CCDC92: variants seen among roughly 807,000 people sequenced by gnomAD.
The protein encoded by CCDC92 is coiled-coil domain-containing protein 92.
Under a neutral mutation model 24.9 loss-of-function variants are expected in CCDC92, and 12 were observed. That is an observed-to-expected ratio of 0.48 (90% confidence interval 0.31 to 0.78). The LOEUF (loss-of-function observed/expected upper bound fraction) is 0.78. Among genes scored for constraint, CCDC92 ranks in the 30% least tolerant of loss-of-function variants. The probability of loss-of-function intolerance (pLI) is 0.05; values close to 1 mark genes in which losing one functional copy is unlikely to be tolerated. For synonymous variants in CCDC92, 193 were observed against 196.3 expected (o/e 0.98, Z 0.14); for missense variants, 399 against 439.4 (o/e 0.91, Z 0.82).
chr12:123,943,748 A>G, intron 2 of CCDC92: 3 of 556,268 alleles, frequency 5.4e-6, no homozygotes, highest in Non-Finnish European at 9.6e-6. Context: ...TGCCTGGCAC[A>G]TGAATGAGTG....
rs1252479986 is a variant in CCDC92 at position 123,954,004 on chromosome 12, A to G, written c.-59-9640T>C. 2.6e-5 allele frequency among the ~76,000 whole-genome samples: 4 copies of G among 152,160 alleles called. No homozygotes were observed. The East Asian group carries it at 7.7e-4, about 29-fold the overall frequency. The stretch of plus-strand genomic sequence containing the variant: ...ATAAACATTTGTCTCTAGATGGTGG[A>G]CTCGGTGATTTTTACCTTTTAAAAG... On this transcript the variant is annotated intron_variant, in intron 1 of 4. Coordinates refer to ENST00000238156, the MANE Select transcript of CCDC92 (RefSeq NM_025140.3).
At chr12:123,972,006 C>T (rs979586907) in intron 1 of CCDC92, 2 of 152,332 alleles carry the variant, frequency 1.3e-5, no homozygotes, top group African/African-American at 2.4e-5. Context: ...GGCCTCCTCC[C>T]CACAGCATCC....
At chr12:123,950,294 A>G (rs1222391782) in intron 1 of CCDC92, among the ~76,000 whole-genome samples, 1 of 152,170 alleles carries the variant, frequency 6.6e-6, no homozygotes, top group Non-Finnish European at 1.5e-5. Flanking sequence ...CCCGGAAGGG[A>G]AAGCAGCGTT....
chr12:123,954,717 C>T (rs545275282), intron 1 of CCDC92, among the ~76,000 whole-genome samples: 1 of 152,352 alleles, frequency 6.6e-6, no homozygotes, highest in African/African-American at 2.4e-5. Context: ...TGTCTTTTAA[C>T]TGGCCTGTGC....
chr12:123,964,460 T>C (rs541925561), intron 1 of CCDC92, among the ~76,000 whole-genome samples: 1 of 152,264 alleles, frequency 6.6e-6, no homozygotes, highest in South Asian at 2.1e-4. Context: ...AAAGGAAGCA[T>C]CTTTAAGCAG....
intron 4 of CCDC92, among the ~76,000 whole-genome samples, chr12:123,942,443 C>T (rs1276686895): frequency 6.6e-6 from 1 of 152,196 alleles, no homozygotes; most frequent in Non-Finnish European, 1.5e-5. Flanking sequence ...ATTTTTATGT[C>T]CTGATTACAC....
At chr12:123,954,376 T>C (rs1436579002) in intron 1 of CCDC92, among the ~76,000 whole-genome samples, 2 of 152,218 alleles carry the variant, frequency 1.3e-5, no homozygotes, top group Non-Finnish European at 2.9e-5. Context: ...TTAAGGCTCA[T>C]CGACAATTCT....
chr12:123,957,225 C>T (rs1007068107), intron 1 of CCDC92, among the ~76,000 whole-genome samples: 4 of 152,182 alleles, frequency 2.6e-5, no homozygotes, highest in African/African-American at 9.6e-5. Context: ...ATTTGAAGTT[C>T]GAAATTCTTA....
chr12:123,967,325 C>G (rs529229609), intron 1 of CCDC92, among the ~76,000 whole-genome samples: 6 of 152,292 alleles, frequency 3.9e-5, no homozygotes, highest in Middle Eastern at 3.4e-3. Flanking sequence ...ACAGGCCAAA[C>G]CTAATAACTT....
intron 1 of CCDC92, among the ~76,000 whole-genome samples, chr12:123,957,728 T>TG (rs567702524): frequency 8.0e-4 from 49 of 61,124 alleles, no homozygotes; most frequent in Admixed American, 2.0e-3. Context: ...TTTTTTGAGA[T>TG]GGGGGGGTCT....
intron 1 of CCDC92, among the ~76,000 whole-genome samples, chr12:123,953,135 CTT>C (rs1266779559): frequency 6.6e-6 from 1 of 151,778 alleles, no homozygotes; most frequent in African/African-American, 2.4e-5. Flanking sequence ...AATGCGGAAA[CTT>C]TGGATGGGGA....
rs551588418 is a variant in CCDC92, at chr12:123,968,205, A to C, written c.-60+4324T>G. 3.3e-5 allele frequency: 5 copies of C among 152,378 alleles called. No individual in the cohort carries two copies. In the South Asian group the frequency reaches 1.0e-3, roughly 32 times the overall value. The allele number at this position is 152,378 out of a possible 1,614,324, so 9.4% of individuals were successfully genotyped here. On this transcript the variant is annotated intron_variant, in intron 1 of 4. Coordinates refer to ENST00000238156, the MANE Select transcript of CCDC92 (RefSeq NM_025140.3). ...AGGAGAAAACTTACTCCTTCACAGAAGAGTAGACACTTCTTGCTTCGTAGT... is the reference window on the plus strand; with the variant it reads ...AGGAGAAAACTTACTCCTTCACAGACGAGTAGACACTTCTTGCTTCGTAGT...
At chr12:123,953,200 C>T (rs1297686227) in intron 1 of CCDC92, among the ~76,000 whole-genome samples, 1 of 147,436 alleles carries the variant, frequency 6.8e-6, no homozygotes, top group African/African-American at 2.5e-5. Context: ...TTTTAATAGG[C>T]ACATCTCTAA....
intron 1 of CCDC92, among the ~76,000 whole-genome samples, chr12:123,967,802 T>C (rs998991709): frequency 6.6e-6 from 1 of 152,258 alleles, no homozygotes; most frequent in African/African-American, 2.4e-5. Context: ...TTACATGTAG[T>C]GTTTAATGCT....
Position 123,935,766 on chromosome 12 carries a change from G to A in CCDC92, c.*1292C>T, listed in dbSNP as rs1344976828. On this transcript the variant is annotated 3_prime_UTR_variant, in exon 5 of 5. Transcript: ENST00000238156. ...CCTTCTCAGAGAAAACACTTGATTA[G>A]GCAAAAGTGCCTGGCATACATAGCA... 11 of 317,280 alleles carry A rather than the reference G, an allele frequency of 3.5e-5. No homozygotes were observed. Among genetic ancestry groups the A allele is most frequent in the Non-Finnish European group, 5.8e-6 (1 of 172,750 alleles). 19.7% of individuals were successfully genotyped at this position (317,280 alleles called of 1,614,324 possible).
chr12:123,947,274 C>T (rs1955899301), intron 1 of CCDC92, among the ~76,000 whole-genome samples: 2 of 152,222 alleles, frequency 1.3e-5, no homozygotes, highest in Non-Finnish European at 1.5e-5. Context: ...CTGCCCGAGC[C>T]TCCCCGACCA....
intron 1 of CCDC92, chr12:123,946,916 G>A (rs145506684): frequency 0.015 from 2,239 of 152,954 alleles, 63 homozygotes; most frequent in African/African-American, 0.052. Context: ...GCCGGAGCCC[G>A]CTCCCTCAGC....
At chr12:123,945,238 A>G (rs947076833) in intron 1 of CCDC92, 3 of 152,174 alleles carry the variant, frequency 2.0e-5, no homozygotes, top group African/African-American at 2.4e-5. Flanking sequence ...TTGAGTTTCC[A>G]TCAAGCAGGG....
chr12:123,965,153 T>C (rs1389077457), intron 1 of CCDC92, among the ~76,000 whole-genome samples: 2 of 152,218 alleles, frequency 1.3e-5, no homozygotes, highest in South Asian at 2.1e-4. Context: ...TTTGATAACA[T>C]TTGAAAACTA....
Sources: allele counts gnomAD v4.1 joint callset (sites outside exome capture counted in the v4.1 genomes callset), GRCh38; gene constraint gnomAD v4.1.1; transcripts MANE v1.5; gene names NCBI Gene and HGNC (gene_info 2026-07-23, HGNC 2026-07-21).